Variants in SH3PXD2A observed in about 807,000 individuals in gnomAD.
SH3PXD2A encodes SH3 and PX domains 2A, also known as SH3 and PX domain-containing protein 2A.
A neutral mutation model predicts 115.2 loss-of-function variants in SH3PXD2A; 32 were observed. The observed-to-expected ratio is 0.28, with a 90% CI of 0.21 to 0.37. SH3PXD2A has a LOEUF of 0.37. SH3PXD2A is among the 10% of genes least tolerant of loss of function. SH3PXD2A has a pLI of 1.00. For synonymous variants in SH3PXD2A, 610 were observed against 629.1 expected, an observed-to-expected ratio of 0.97 and a Z score of 0.45; for missense variants, 1,328 against 1,498.7, an observed-to-expected ratio of 0.89 and a Z score of 1.88.
At chr10:103,623,496 G>C (rs2036641380) in intron 9 of SH3PXD2A, among the ~76,000 whole-genome samples, 1 of 152,182 alleles carries the variant, frequency 6.6e-6, no homozygotes, top group Non-Finnish European at 1.5e-5. Flanking sequence ...GAAGGTGCCA[G>C]GCTGCCCGGG....
intron 2 of SH3PXD2A, among the ~76,000 whole-genome samples, chr10:103,776,425 C>CGT (rs1467993816): frequency 1.2e-4 from 14 of 112,104 alleles, no homozygotes; most frequent in Middle Eastern, 4.3e-3. Context: ...TGTGTGCATG[C>CGT]GTGTGTGTGT....
At chr10:103,732,429 C>T (rs1291512236) in intron 4 of SH3PXD2A, among the ~76,000 whole-genome samples, 5 of 152,212 alleles carry the variant, frequency 3.3e-5, no homozygotes, top group African/African-American at 1.2e-4. Context: ...CCTCAAGTGC[C>T]ACATAAAATG....
At chr10:103,639,568 C>T (rs576742896) in intron 8 of SH3PXD2A, among the ~76,000 whole-genome samples, 29 of 147,628 alleles carry the variant, frequency 2.0e-4, no homozygotes, top group African/African-American at 6.0e-4. Context: ...CAAGATCGTG[C>T]CACTGCACTC....
chr10:103,679,437 C>T (rs1342968722), intron 6 of SH3PXD2A, among the ~76,000 whole-genome samples: 2 of 152,206 alleles, frequency 1.3e-5, no homozygotes, highest in East Asian at 3.8e-4. Context: ...TGCTTCCTAT[C>T]CACTAGCCTT....
chr10:103,668,046 T>G (rs1454919340), intron 7 of SH3PXD2A, among the ~76,000 whole-genome samples: 1 of 152,144 alleles, frequency 6.6e-6, no homozygotes, highest in African/African-American at 2.4e-5. Context: ...TCAGTCACAG[T>G]CACAGAACTG....
intron 1 of SH3PXD2A, among the ~76,000 whole-genome samples, chr10:103,835,634 G>A (rs1388774682): frequency 6.6e-6 from 1 of 152,148 alleles, no homozygotes; most frequent in Non-Finnish European, 1.5e-5. Context: ...GGCCCAGGGG[G>A]GTGAACTCAA....
chr10:103,616,761 G>A (rs945886920), intron 11 of SH3PXD2A, among the ~76,000 whole-genome samples: 1 of 149,140 alleles, frequency 6.7e-6, no homozygotes, highest in Admixed American at 6.6e-5. Flanking sequence ...ACCTCCCTGA[G>A]TACTGAGCCT....
At chr10:103,724,919 T>A (rs1028539943) in intron 4 of SH3PXD2A, among the ~76,000 whole-genome samples, 1 of 152,140 alleles carries the variant, frequency 6.6e-6, no homozygotes, top group Non-Finnish European at 1.5e-5. Context: ...AACCTAACAG[T>A]CCAAGGTCAC....
intron 9 of SH3PXD2A, among the ~76,000 whole-genome samples, chr10:103,623,609 G>A (rs2036644308): frequency 6.6e-6 from 1 of 152,210 alleles, no homozygotes; most frequent in East Asian, 1.9e-4. Flanking sequence ...AGAGGGACCT[G>A]TCTGACCTGC....
At chr10:103,840,573 G>T (rs1282353066) in intron 1 of SH3PXD2A, among the ~76,000 whole-genome samples, 4 of 152,224 alleles carry the variant, frequency 2.6e-5, no homozygotes, top group Non-Finnish European at 5.9e-5. Flanking sequence ...CTGCAGCAAG[G>T]CTGGCTGGCG....
chr10:103,603,236 C>A lies in SH3PXD2A; in HGVS notation c.1982G>T (p.Gly661Val), dbSNP rs753165090. ...SLTRKNSPKS[G>V]SPKSSSLLKL... is the part of the protein sequence containing the mutation. ...TAGGAGTGATGATGACTTGGGGGAG[C>A]CTGATTTGGGGGAGTTTTTCCTGGT... The change falls in exon 15 of 15, where the codon GGC (glycine) becomes GTC (valine). Residue 661 changes from glycine (G) to valine (V), a missense_variant. Around this residue, in one of 5 missense-constraint regions of SH3PXD2A, gnomAD observed 574 missense variants for 565.7 expected, o/e 1.01. Transcript: ENST00000369774. 3 of 1,613,706 alleles carry A rather than the reference C, an allele frequency of 1.9e-6. No individual in the cohort carries two copies. Among genetic ancestry groups the A allele is most frequent in the Admixed American group, 1.7e-5 (1 of 60,000 alleles).
chr10:103,626,938 T>G, intron 9 of SH3PXD2A, 151 bp downstream of exon 9: 2 of 589,944 alleles, frequency 3.4e-6, no homozygotes, highest in Non-Finnish European at 6.1e-6. Context: ...GGTGAGCTTT[T>G]GGGCCAACCT....
At chr10:103,735,903 C>T in intron 3 of SH3PXD2A, 95 bp from the exon 4 acceptor site, 1 of 921,900 alleles carries the variant, frequency 1.1e-6, no homozygotes, top group Non-Finnish European at 1.8e-6. Flanking sequence ...GCATCTTAGT[C>T]CAGCACTACC....
At chr10:103,715,868 C>CT (rs764650667) in intron 5 of SH3PXD2A, among the ~76,000 whole-genome samples, 21 of 152,214 alleles carry the variant, frequency 1.4e-4, no homozygotes, top group South Asian at 4.1e-4. Context: ...CCTCGTCTTC[C>CT]TACGGGAACC....
chr10:103,789,453 C>T (rs2039013217), intron 2 of SH3PXD2A, among the ~76,000 whole-genome samples: 3 of 152,124 alleles, frequency 2.0e-5, no homozygotes, highest in Non-Finnish European at 1.5e-5. Context: ...CCAGAGGTGC[C>T]AGGAGGCACT....
At chr10:103,838,191 CCCTCTCA>C (rs2039564204) in intron 1 of SH3PXD2A, among the ~76,000 whole-genome samples, 1 of 152,194 alleles carries the variant, frequency 6.6e-6, no homozygotes, top group Non-Finnish European at 1.5e-5. Context: ...CACCATGTGG[CCCTCTCA>C]AGGGCTCTAA....
At chr10:103,792,314 C>T (rs2039043683) in intron 2 of SH3PXD2A, among the ~76,000 whole-genome samples, 1 of 152,256 alleles carries the variant, frequency 6.6e-6, no homozygotes, top group East Asian at 1.9e-4. Flanking sequence ...ACCTTTAACA[C>T]TGCCTTCTGC....
At chr10:103,794,030 C>T (rs1027609912) in intron 2 of SH3PXD2A, among the ~76,000 whole-genome samples, 10 of 152,126 alleles carry the variant, frequency 6.6e-5, no homozygotes, top group African/African-American at 1.9e-4. Flanking sequence ...TGCAATGATC[C>T]CATAAAGCTC....
At chr10:103,847,530 G>A (rs1287557081) in intron 1 of SH3PXD2A, among the ~76,000 whole-genome samples, 2 of 152,062 alleles carry the variant, frequency 1.3e-5, no homozygotes, top group Non-Finnish European at 2.9e-5. Flanking sequence ...TTGCTACATT[G>A]TCCAGGCTGG....
Sources: gnomAD v4.1 joint callset for allele counts (sites outside exome capture counted in the v4.1 genomes callset) on GRCh38, gnomAD v4.1.1 for gene constraint, gnomAD v4.1.1 regional missense constraint, MANE v1.5 for transcripts, NCBI Gene and HGNC (gene_info 2026-07-23, HGNC 2026-07-21) for gene names.